CDH11: variants seen among roughly 807,000 people sequenced by gnomAD.
The protein encoded by CDH11 is cadherin 11, also known as cadherin-11.
Under a neutral mutation model 67.8 loss-of-function variants are expected in CDH11, and 11 were observed. The observed-to-expected ratio is 0.16, with a 90% CI of 0.10 to 0.27. The LOEUF (loss-of-function observed/expected upper bound fraction) is 0.27. Among genes scored for constraint, CDH11 ranks in the 10% least tolerant of loss-of-function variants. The pLI, the probability that CDH11 is intolerant of heterozygous loss-of-function variation, is 1.00. For missense variants in CDH11, 847 were observed against 1,031.2 expected (o/e 0.82, Z 2.45); for synonymous variants, 419 against 400.0 (o/e 1.05, Z -0.57).
chr16:65,032,284 C>T (rs917644921), intron 2 of CDH11, among the ~76,000 whole-genome samples: 1 of 145,322 alleles, frequency 6.9e-6, no homozygotes, highest in East Asian at 2.0e-4. Flanking sequence ...CTCAGGAGTT[C>T]GAGACCAGCC....
intron 2 of CDH11, chr16:65,007,064 A>C (rs1350171066): frequency 6.6e-6 from 1 of 152,250 alleles, no homozygotes; most frequent in Admixed American, 6.5e-5. Flanking sequence ...ATGCGAATTG[A>C]GAACAAATAA....
At chr16:64,992,043 C>T (rs1349301095) in intron 5 of CDH11, 108 bp from the exon 6 acceptor site, 1 of 687,642 alleles carries the variant, frequency 1.5e-6, no homozygotes, top group Non-Finnish European at 2.3e-6. Context: ...CCCATGCCCT[C>T]AGCAAGAATC....
At chr16:64,953,686 TA>T (rs2071425174) in intron 11 of CDH11, among the ~76,000 whole-genome samples, 1 of 152,190 alleles carries the variant, frequency 6.6e-6, no homozygotes. Context: ...TATAATAAAT[TA>T]ATTCAAAATA....
intron 1 of CDH11, among the ~76,000 whole-genome samples, chr16:65,088,928 A>G (rs1319988291): frequency 6.6e-6 from 1 of 152,220 alleles, no homozygotes; most frequent in Non-Finnish European, 1.5e-5. Context: ...TAGTATTATT[A>G]TTCAAGATGC....
intron 11 of CDH11, chr16:64,968,277 A>G (rs1399468273): frequency 1.1e-5 from 3 of 261,984 alleles, no homozygotes; most frequent in African/African-American, 6.9e-5. Flanking sequence ...AGGTGAAACA[A>G]TGACATGAGA....
intron 1 of CDH11, among the ~76,000 whole-genome samples, chr16:65,089,269 A>C (rs2074752068): frequency 6.6e-6 from 1 of 152,206 alleles, no homozygotes. Flanking sequence ...TACCCTAGAC[A>C]AGGATTTAAA....
chr16:65,018,625 A>G (rs1235691842), intron 2 of CDH11, among the ~76,000 whole-genome samples: 1 of 152,246 alleles, frequency 6.6e-6, no homozygotes, highest in Non-Finnish European at 1.5e-5. Flanking sequence ...TGAAATAAAA[A>G]ACAGAAAGGA....
intron 4 of CDH11, among the ~76,000 whole-genome samples, chr16:64,996,362 C>T (rs900291543): frequency 1.7e-4 from 26 of 151,990 alleles, no homozygotes; most frequent in African/African-American, 4.3e-4. Context: ...TGGTGGCAGG[C>T]GCCTGTAATC....
chr16:65,121,796 G>A lies in CDH11; in HGVS notation c.-298+84C>T, dbSNP rs2075335790. The A allele has an allele frequency of 1.4e-6, 1 of 690,208 alleles. No homozygotes were observed. Among genetic ancestry groups the A allele is most frequent in the Admixed American group, 2.0e-5 (1 of 49,580 alleles). 42.8% of individuals were successfully genotyped at this position (690,208 alleles called of 1,614,324 possible). ...CCCCCTCACCACCCCGCCCCGCCAA[G>A]ACATTCTCTTCCTGAGAAAATCCTG... is the stretch of plus-strand genomic sequence containing the variant. On this transcript the variant is annotated intron_variant, in intron 1 of 12. Transcript: ENST00000268603. This position sits in a 1 kb window ranked among gnomAD's most constrained non-coding sequence, Gnocchi z 4.1.
intron 1 of CDH11, among the ~76,000 whole-genome samples, chr16:65,082,219 C>T (rs1010511711): frequency 5.9e-5 from 9 of 152,206 alleles, no homozygotes; most frequent in African/African-American, 2.2e-4. Flanking sequence ...GGTCAGGGCT[C>T]AGCTGAGCTT....
chr16:64,966,751 A>G (rs893340742), intron 11 of CDH11, among the ~76,000 whole-genome samples: 2 of 152,150 alleles, frequency 1.3e-5, no homozygotes, highest in Non-Finnish European at 2.9e-5. Flanking sequence ...ATAGACAAAA[A>G]CTGATACAAA....
intron 8 of CDH11, among the ~76,000 whole-genome samples, chr16:64,978,223 TTTTATTTA>T (rs1297335102): frequency 6.6e-6 from 1 of 152,214 alleles, no homozygotes; most frequent in African/African-American, 2.4e-5. Context: ...TCAGGAGTTA[TTTTATTTA>T]TTTATTCAAT....
intron 2 of CDH11, among the ~76,000 whole-genome samples, chr16:65,033,238 AC>A (rs2073681260): frequency 3.3e-5 from 1 of 30,642 alleles, no homozygotes; most frequent in African/African-American, 1.3e-4. Flanking sequence ...AACTAGGAAA[AC>A]ACACACACAC....
intron 1 of CDH11, among the ~76,000 whole-genome samples, chr16:65,116,047 T>C (rs1215487857): frequency 2.0e-5 from 3 of 152,196 alleles, no homozygotes; most frequent in Admixed American, 1.3e-4. Context: ...CTTACTCTCT[T>C]CACCCTCATC....
intron 2 of CDH11, among the ~76,000 whole-genome samples, chr16:65,031,580 A>T (rs1021365002): frequency 6.6e-6 from 1 of 152,194 alleles, no homozygotes; most frequent in African/African-American, 2.4e-5. Flanking sequence ...AGCAGGAGCA[A>T]ATATTTAAGA....
chr16:65,122,129 TGCGGGGCGGGGGGGGCGGGAGGA>T, upstream of CDH11: 1 of 56,106 alleles, frequency 1.8e-5, no homozygotes, highest in Non-Finnish European at 3.4e-5. Context: ...GGCAGGCGGG[TGCGGGGCGGGGGGGGCGGGAGGA>T]GGGAGGCTGC....
chr16:65,025,008 C>T (rs2073502862), intron 2 of CDH11, among the ~76,000 whole-genome samples: 1 of 152,164 alleles, frequency 6.6e-6, no homozygotes, highest in African/African-American at 2.4e-5. Context: ...TCTTGATAAC[C>T]AACAGACTCC....
Position 64,979,380 on chromosome 16 carries a change from T to C in CDH11, c.1253+2668A>G, listed in dbSNP as rs569821517. ...AAGACTCGCCCGAGCCTGGGAAGCA[T>C]AGGTTGGAGTGAGCTGAGATCGTGC... is the stretch of plus-strand genomic sequence containing the variant. On this transcript the variant is annotated intron_variant, in intron 8 of 12. Coordinates refer to ENST00000268603, the MANE Select transcript of CDH11 (RefSeq NM_001797.4). Among the ~76,000 whole-genome samples the C allele has an allele frequency of 2.0e-5, 3 of 152,186 alleles. No individual in the cohort carries two copies. The East Asian group carries it at 5.8e-4, about 29-fold the overall frequency.
chr16:64,985,369 C>A (rs1045008210), intron 7 of CDH11: 1 of 151,956 alleles, frequency 6.6e-6, no homozygotes, highest in Non-Finnish European at 1.5e-5. Context: ...TTTGTAACAT[C>A]TCCCTTGAAT....
Sources: allele counts gnomAD v4.1 joint callset (sites outside exome capture counted in the v4.1 genomes callset), GRCh38; gene constraint gnomAD v4.1.1; non-coding constraint Gnocchi (gnomAD v3.1); transcripts MANE v1.5; gene names NCBI Gene and HGNC (gene_info 2026-07-23, HGNC 2026-07-21).